The following GPSM1 variants were observed in gnomAD, a reference collection of about 807,000 sequenced individuals.
GPSM1 encodes G protein-signaling modulator 1.
In GPSM1, 48 loss-of-function variants were observed where a neutral mutation model predicts 70.5. The ratio of observed to expected loss-of-function variants is 0.68; its 90% CI spans 0.54 to 0.87. The LOEUF (loss-of-function observed/expected upper bound fraction) is 0.87, where lower values mean the gene tolerates loss of function less well. Ranked by LOEUF, GPSM1 falls within the 40% of genes least tolerant of loss-of-function variation. The pLI, the probability that GPSM1 is intolerant of heterozygous loss-of-function variation, is 0.00. For missense variants in GPSM1, 981 were observed against 972.6 expected (o/e 1.01, Z -0.11); for synonymous variants, 416 against 430.1 (o/e 0.97, Z 0.41).
At chr9:136,345,534 C>T (rs1832502223) in intron 9 of GPSM1, among the ~76,000 whole-genome samples, 2 of 152,242 alleles carry the variant, frequency 1.3e-5, no homozygotes, top group African/African-American at 4.8e-5. Flanking sequence ...AGCATTTCAG[C>T]CGCTGCTGCA....
At position 136,338,636 on chromosome 9, in the gene GPSM1, G is replaced by A. The variant is rs782334894; in HGVS notation, c.900G>A (p.Thr300=). ...GCTACAGTCTGGGCAACACCTACACGCTGCTGCAGGACTACGAGCGCGCGG... is the reference window on the plus strand; with the variant it reads ...GCTACAGTCTGGGCAACACCTACACACTGCTGCAGGACTACGAGCGCGCGG... The part of the protein sequence containing the change: ...QACYSLGNTY[T]LLQDYERAAE... Residue 300 remains threonine, a synonymous_variant, in exon 7 of 14, where the codon ACG becomes ACA. Transcript: ENST00000440944. 3.2e-5 allele frequency: 51 copies of A among 1,606,458 alleles called. 1 individual carries two copies. Among genetic ancestry groups the A allele is most frequent in the South Asian group, 1.3e-4 (12 of 89,686 alleles).
chr9:136,338,778 G>C, intron 7 of GPSM1, 68 bp downstream of exon 7: 2 of 1,439,180 alleles, frequency 1.4e-6, no homozygotes, highest in South Asian at 2.7e-5. Context: ...CGGCCCAGGC[G>C]AGGTGGCCTG....
At chr9:136,355,929 G>A in intron 12 of GPSM1, 83 bp downstream of exon 12, 1 of 1,194,636 alleles carries the variant, frequency 8.4e-7, no homozygotes, top group Non-Finnish European at 1.2e-6. Context: ...TTCCAGTGAG[G>A]AGTTTTCGGG....
chr9:136,348,685 C>T lies in GPSM1; in HGVS notation c.1208-12C>T, dbSNP rs782649289. ...GGGTGGTGCTGGGCTGACCGGGTCC[C>T]TCTGTCTTCAGGGGCCAGACCCAAG... On this transcript the variant is annotated splice_polypyrimidine_tract_variant and intron_variant, in intron 9 of 13. Coordinates refer to ENST00000440944, the MANE Select transcript of GPSM1 (RefSeq NM_001145638.3). 2.2e-5 allele frequency: 35 copies of T among 1,606,912 alleles called. No homozygotes were observed. The highest frequency in any genetic ancestry group is 1.7e-4 in the Middle Eastern group (1 of 5,718).
intron 1 of GPSM1, among the ~76,000 whole-genome samples, chr9:136,332,349 C>T (rs1460319456): frequency 2.0e-5 from 3 of 152,232 alleles, no homozygotes; most frequent in African/African-American, 2.4e-5. Flanking sequence ...CACCCATCCC[C>T]GACTTTTAGG....
At chr9:136,335,141 T>G (rs550170636) in intron 2 of GPSM1, among the ~76,000 whole-genome samples, 2 of 152,218 alleles carry the variant, frequency 1.3e-5, no homozygotes, top group Admixed American at 6.5e-5. Context: ...CCATCTGTGA[T>G]CCTGTGTGGC....
At chr9:136,335,906 C>G (rs1263385252) in intron 2 of GPSM1, 60 bp from the exon 3 acceptor site, 2 of 1,565,386 alleles carry the variant, frequency 1.3e-6, no homozygotes, top group South Asian at 1.1e-5. Context: ...TCAGCCTCCC[C>G]CCGGGCCCAG....
At chr9:136,328,592 G>A (rs1199623119) in intron 1 of GPSM1, among the ~76,000 whole-genome samples, 1 of 152,106 alleles carries the variant, frequency 6.6e-6, no homozygotes, top group Non-Finnish European at 1.5e-5. Context: ...ATCCCGGGGG[G>A]CGCCTAGCCT....
chr9:136,349,843 G>T, intron 11 of GPSM1, 80 bp downstream of exon 11: 2 of 1,387,886 alleles, frequency 1.4e-6, no homozygotes, highest in Non-Finnish European at 1.9e-6. Context: ...GCCAGCCAAC[G>T]GGGCCAGGTC....
At position 136,343,864 on chromosome 9, in the gene GPSM1, G is replaced by A. The variant is rs1169553849; in HGVS notation, c.1207+2871G>A. Among the ~76,000 whole-genome samples, 1 of 152,208 alleles carries A rather than the reference G, an allele frequency of 6.6e-6. No homozygotes were observed. The highest frequency in any genetic ancestry group is 2.4e-5 in the African/African-American group (1 of 41,450). ...GTGGCCCTTGGGCAGCCGCCGGGAT[G>A]GAGGATGCACCCTCTGTCCGTGCGC... On this transcript the variant is annotated intron_variant, in intron 9 of 13. Transcript: ENST00000440944. The surrounding 1 kb of genome is among the most constrained non-coding windows in gnomAD (Gnocchi z 6.0).
chr9:136,350,061 A>C (rs1391572555), intron 11 of GPSM1, among the ~76,000 whole-genome samples: 2 of 152,174 alleles, frequency 1.3e-5, no homozygotes, highest in African/African-American at 2.4e-5. Flanking sequence ...TTTGGGCCTC[A>C]GTTTCCATCT....
rs202118035 is a variant in GPSM1 at position 136,355,653 on chromosome 9, G to A, written c.1456-37G>A. On this transcript the variant is annotated intron_variant, in intron 11 of 13. Coordinates refer to ENST00000440944, the MANE Select transcript of GPSM1 (RefSeq NM_001145638.3). ...CCGGTCTCGTCTGGGGGTCTGCGGG[G>A]CTAGCTTTGGCTGCGGTGACCCCAC... 12 of 1,601,464 alleles carry A rather than the reference G, an allele frequency of 7.5e-6. No individual in the cohort carries two copies. The African/African-American group carries it at 1.2e-4, about 16-fold the overall frequency.
Position 136,349,616 on chromosome 9 carries a change from G to T in GPSM1, c.1308G>T (p.Gly436=). The T allele has an allele frequency of 6.5e-7, 1 of 1,550,334 alleles. No homozygotes were observed. Among genetic ancestry groups the T allele is most frequent in the South Asian group, 1.2e-5 (1 of 84,062 alleles). The change falls in exon 11 of 14, where the codon GGG becomes GGT. Residue 436 remains glycine (G), a synonymous_variant. Coordinates refer to ENST00000440944, the MANE Select transcript of GPSM1 (RefSeq NM_001145638.3). ...AGAATGGAGACAGCCACCATTCAGG[G>T]GACTGGCGGGGGCCCAGCAGGGACT... is the stretch of plus-strand genomic sequence containing the variant. ...REQNGDSHHS[G]DWRGPSRDSL...
intron 9 of GPSM1, among the ~76,000 whole-genome samples, chr9:136,347,631 A>G (rs1223676471): frequency 6.6e-6 from 1 of 152,132 alleles, no homozygotes; most frequent in Non-Finnish European, 1.5e-5. Context: ...CTCCTCAGGG[A>G]AGCGCCCGCA....
chr9:136,345,261 G>T (rs1189823203), intron 9 of GPSM1, among the ~76,000 whole-genome samples: 3 of 152,194 alleles, frequency 2.0e-5, no homozygotes, highest in Non-Finnish European at 4.4e-5. Flanking sequence ...ACAGTGTGAC[G>T]GTCAGCGTCG....
intron 13 of GPSM1, among the ~76,000 whole-genome samples, chr9:136,357,618 G>A (rs1164454803): frequency 6.6e-6 from 1 of 152,236 alleles, no homozygotes; most frequent in Non-Finnish European, 1.5e-5. Context: ...TCAGTCCCAG[G>A]CTGTGCTGGT....
intron 12 of GPSM1, among the ~76,000 whole-genome samples, chr9:136,356,060 A>G (rs1832811371): frequency 6.6e-6 from 1 of 152,112 alleles, no homozygotes; most frequent in South Asian, 2.1e-4. Flanking sequence ...CTCAGGCTGC[A>G]GGGGCAGTCT....
chr9:136,342,748 C>A lies in GPSM1; in HGVS notation c.1207+1755C>A, dbSNP rs1832424598. Among the ~76,000 whole-genome samples, 1 of 151,928 alleles carries A rather than the reference C, an allele frequency of 6.6e-6. No homozygotes were observed. The highest frequency in any genetic ancestry group is 2.4e-5 in the African/African-American group (1 of 41,368). ...GGCAGGTGCGGAGGGCGGGGTGGAT[C>A]TGCGAGCTGCGGGAGGGGAGGGGGG... On this transcript the variant is annotated intron_variant, in intron 9 of 13. Transcript: ENST00000440944. The surrounding 1 kb of genome is among the most constrained non-coding windows in gnomAD (Gnocchi z 5.5).
intron 7 of GPSM1, 149 bp downstream of exon 7, chr9:136,338,859 C>A: frequency 1.2e-6 from 1 of 860,126 alleles, no homozygotes; most frequent in Non-Finnish European, 1.7e-6. Context: ...GGGGACTGAG[C>A]CAGACAGTGT....
Sources: allele counts gnomAD v4.1 joint callset (sites outside exome capture counted in the v4.1 genomes callset), GRCh38; gene constraint gnomAD v4.1.1; non-coding constraint Gnocchi (gnomAD v3.1); transcripts MANE v1.5; gene names NCBI Gene and HGNC (gene_info 2026-07-23, HGNC 2026-07-21).